The following SNX27 variants were observed in gnomAD, a reference collection of about 807,000 sequenced individuals.
SNX27 encodes the protein sorting nexin-27.
In SNX27, 22 loss-of-function variants were observed where a neutral mutation model predicts 71.6. That is an observed-to-expected ratio of 0.31 (90% confidence interval 0.22 to 0.44). SNX27 has a LOEUF of 0.44. SNX27 is among the 20% of genes least tolerant of loss of function. The probability of loss-of-function intolerance (pLI) is 1.00; values close to 1 mark genes in which losing one functional copy is unlikely to be tolerated. For synonymous variants in SNX27, 269 were observed against 277.2 expected (o/e 0.97, Z 0.29); for missense variants, 531 against 698.6 (o/e 0.76, Z 2.70).
Position 151,612,314 on chromosome 1 carries a change from G to A in SNX27, c.113G>A (p.Gly38Asp), listed in dbSNP as rs1271008085. The change falls in exon 1 of 12, where the codon GGC becomes GAC. Residue 38 changes from glycine (G) to aspartate (D), a missense_variant. Physicochemically the swap from Gly to Asp is moderately conservative, Grantham distance 94. Transcript: ENST00000458013. This position sits in a 1 kb window ranked among gnomAD's most constrained non-coding sequence, Gnocchi z 5.2. The stretch of plus-strand genomic sequence containing the variant: ...TGCGCCGGGAACGGCGGCGGGGGAG[G>A]CGGCGGCCCGCGGGTCGTGCGCATC... Reference protein sequence around the residue: ...LHCAGNGGGGGGGPRVVRIVK... With the variant: ...LHCAGNGGGGDGGPRVVRIVK... The A allele has an allele frequency of 2.2e-5, 34 of 1,520,826 alleles. No individual in the cohort carries two copies. Among genetic ancestry groups the A allele is most frequent in the Non-Finnish European group, 2.7e-5 (31 of 1,138,454 alleles). 94.2% of individuals were successfully genotyped at this position (1,520,826 alleles called of 1,614,324 possible).
At position 151,665,241 on chromosome 1, in the gene SNX27, A is replaced by G. The variant is rs538427783; in HGVS notation, c.907-692A>G. Among the ~76,000 whole-genome samples, 4 of 152,218 alleles carry G rather than the reference A, an allele frequency of 2.6e-5. No homozygotes were observed. The South Asian group carries it at 8.3e-4, about 32-fold the overall frequency. Reference sequence around the variant, plus strand: ...TCATTTATTTGCACACAGTTTTCCAATTTCTTTTTTATTTGTCATATTAGG... The same window carrying G: ...TCATTTATTTGCACACAGTTTTCCAGTTTCTTTTTTATTTGTCATATTAGG... On this transcript the variant is annotated intron_variant, in intron 5 of 11. Coordinates refer to ENST00000458013, the MANE Select transcript of SNX27 (RefSeq NM_001330723.2).
At chr1:151,675,378 T>C (rs1244625696) in intron 7 of SNX27, among the ~76,000 whole-genome samples, 1 of 152,190 alleles carries the variant, frequency 6.6e-6, no homozygotes, top group African/African-American at 2.4e-5. Context: ...TATATTTGGC[T>C]TTAGGTCTTT....
At chr1:151,673,419 T>A (rs2102703756) in intron 7 of SNX27, among the ~76,000 whole-genome samples, 1 of 152,276 alleles carries the variant, frequency 6.6e-6, no homozygotes, top group Non-Finnish European at 1.5e-5. Flanking sequence ...TTAAAAACGT[T>A]TTAAGACTTG....
At chr1:151,623,383 G>A (rs559125861) in intron 1 of SNX27, among the ~76,000 whole-genome samples, 15 of 151,974 alleles carry the variant, frequency 9.9e-5, no homozygotes, top group African/African-American at 1.4e-4. Flanking sequence ...CTCGTGATCC[G>A]CCCACCTTGG....
At position 151,694,237 on chromosome 1, in the gene SNX27, A is replaced by G. The variant is rs1273406929; in HGVS notation, c.1579-133A>G. Reference sequence around the variant, plus strand: ...CTAAAAGGCTATGATTCTAGATGAGAAGTTATATCAAGAAAGATGTGGCCA... The same window carrying G: ...CTAAAAGGCTATGATTCTAGATGAGGAGTTATATCAAGAAAGATGTGGCCA... On this transcript the variant is annotated intron_variant, in intron 11 of 11. Coordinates refer to ENST00000458013, the MANE Select transcript of SNX27 (RefSeq NM_001330723.2). 8.2e-6 allele frequency: 12 copies of G among 1,458,644 alleles called. No individual in the cohort carries two copies. In the South Asian group the frequency reaches 1.2e-4, roughly 14 times the overall value. The allele number at this position is 1,458,644 out of a possible 1,614,324, so 90.4% of individuals were successfully genotyped here. A position where few individuals can be genotyped will look rare whatever the true frequency, so the allele number is the denominator to read the frequency against.
intron 1 of SNX27, among the ~76,000 whole-genome samples, chr1:151,632,964 C>G (rs776476082): frequency 6.6e-6 from 1 of 151,946 alleles, no homozygotes; most frequent in Non-Finnish European, 1.5e-5. Flanking sequence ...CTCCACCTCC[C>G]GGGTTCACGC....
rs1279974176 is a variant in SNX27 at position 151,696,240 on chromosome 1, T to C, written c.*1823T>C. 2.0e-5 allele frequency: 3 copies of C among 152,178 alleles called. No individual in the cohort carries two copies. Among genetic ancestry groups the C allele is most frequent in the African/African-American group, 7.2e-5 (3 of 41,444 alleles). 9.4% of individuals were successfully genotyped at this position (152,178 alleles called of 1,614,324 possible). On this transcript the variant is annotated 3_prime_UTR_variant, in exon 12 of 12. Coordinates refer to ENST00000458013, the MANE Select transcript of SNX27 (RefSeq NM_001330723.2). ...GCCCCTAAGCTCTGTAGATAATGCA[T>C]AAGAAGCACCAAGTCAGGCTCAGAT...
In SNX27 at chr1:151,692,853, A is replaced by T. The variant is rs138213527; in HGVS notation, c.1390-58A>T. 631 of 1,608,800 alleles carry T rather than the reference A, an allele frequency of 3.9e-4. 4 individuals carry two copies. In the African/African-American group the frequency reaches 7.2e-3, roughly 18 times the overall value. ...CTCCTGGTTCAGAACCCCCTACCTC[A>T]GTTCCCCAGCACTCTGAAACACAGA... is the stretch of plus-strand genomic sequence containing the variant. On this transcript the variant is annotated intron_variant, in intron 9 of 11. Coordinates refer to ENST00000458013, the MANE Select transcript of SNX27 (RefSeq NM_001330723.2).
intron 7 of SNX27, among the ~76,000 whole-genome samples, chr1:151,681,153 T>C (rs375295775): frequency 7.2e-5 from 11 of 152,106 alleles, no homozygotes; most frequent in Admixed American, 2.0e-4. Context: ...TATTCCAGTT[T>C]TACACAGTGA....
At chr1:151,633,562 G>T (rs1467118801) in intron 1 of SNX27, among the ~76,000 whole-genome samples, 3 of 152,098 alleles carry the variant, frequency 2.0e-5, no homozygotes, top group Non-Finnish European at 4.4e-5. Context: ...GCCTCCCACA[G>T]TGCTGGGATT....
intron 2 of SNX27, among the ~76,000 whole-genome samples, chr1:151,653,107 A>G (rs987917324): frequency 1.3e-5 from 2 of 151,822 alleles, no homozygotes; most frequent in African/African-American, 2.4e-5. Flanking sequence ...TTGTATTTTT[A>G]GTAGAGACAG....
At chr1:151,668,396 T>G (rs1670308135) in intron 6 of SNX27, 76 bp from the exon 7 acceptor site, 1 of 1,316,146 alleles carries the variant, frequency 7.6e-7, no homozygotes, top group African/African-American at 1.5e-5. Flanking sequence ...ATTCTTGATC[T>G]GCCTTACATA....
chr1:151,682,353 G>A (rs966192659), intron 7 of SNX27, among the ~76,000 whole-genome samples: 2 of 152,048 alleles, frequency 1.3e-5, no homozygotes, highest in African/African-American at 2.4e-5. Flanking sequence ...ATGGAGTCTC[G>A]CACTGTCACC....
intron 2 of SNX27, 127 bp from the exon 3 acceptor site, chr1:151,658,108 C>T: frequency 1.3e-6 from 1 of 788,836 alleles, no homozygotes; most frequent in Non-Finnish European, 1.9e-6. Flanking sequence ...TTAAAGTGAG[C>T]TTGAATATAG....
chr1:151,627,003 A>G (rs1667975726), intron 1 of SNX27, among the ~76,000 whole-genome samples: 1 of 152,216 alleles, frequency 6.6e-6, no homozygotes, highest in Non-Finnish European at 1.5e-5. Context: ...TTACAGACCA[A>G]GATCTGGGCA....
chr1:151,680,061 A>G (rs1269333654), intron 7 of SNX27: 2 of 151,942 alleles, frequency 1.3e-5, no homozygotes, highest in Non-Finnish European at 2.9e-5. Context: ...AATTATATAC[A>G]TCTTTTACTT....
At chr1:151,691,947 C>A (rs1160540307) in intron 8 of SNX27, among the ~76,000 whole-genome samples, 1 of 152,064 alleles carries the variant, frequency 6.6e-6, no homozygotes, top group African/African-American at 2.4e-5. Context: ...TGCCTGTAAC[C>A]CTTGCACTTT....
chr1:151,692,145 G>T (rs541218490), intron 8 of SNX27, among the ~76,000 whole-genome samples: 31 of 152,134 alleles, frequency 2.0e-4, no homozygotes, highest in Middle Eastern at 3.4e-3. Flanking sequence ...GATTGCTTGA[G>T]CCCTGGAGGT....
intron 1 of SNX27, among the ~76,000 whole-genome samples, chr1:151,631,297 C>T (rs539313714): frequency 8.5e-5 from 13 of 152,250 alleles, no homozygotes; most frequent in Middle Eastern, 3.4e-3. Context: ...CCTTCAACTT[C>T]AGAGATCTCC....
Sources: gnomAD v4.1 joint callset for allele counts (sites outside exome capture counted in the v4.1 genomes callset) on GRCh38, gnomAD v4.1.1 for gene constraint, Gnocchi (gnomAD v3.1) non-coding constraint, MANE v1.5 for transcripts, NCBI Gene and HGNC (gene_info 2026-07-23, HGNC 2026-07-21) for gene names.